Variants in PTPRQ observed in about 807,000 individuals in gnomAD.
The protein encoded by PTPRQ is phosphatidylinositol phosphatase PTPRQ.
Under a neutral mutation model 246.0 loss-of-function variants are expected in PTPRQ, and 199 were observed. The ratio of observed to expected loss-of-function variants is 0.81; its 90% CI spans 0.72 to 0.91. The LOEUF is 0.91. PTPRQ is among the 40% of genes least tolerant of loss of function. The pLI, the probability that PTPRQ is intolerant of heterozygous loss-of-function variation, is 0.00. For synonymous variants in PTPRQ, 869 were observed against 853.2 expected (o/e 1.02, Z -0.32); for missense variants, 2,624 against 2,528.4 (o/e 1.04, Z -0.81).
At chr12:80,663,495 T>C (rs1900694658) in intron 39 of PTPRQ, among the ~76,000 whole-genome samples, 1 of 151,868 alleles carries the variant, frequency 6.6e-6, no homozygotes. Context: ...TGCCCTAAAA[T>C]TGCCAGCTTG....
At chr12:80,618,403 C>G (rs943221679) in intron 30 of PTPRQ, among the ~76,000 whole-genome samples, 10 of 146,584 alleles carry the variant, frequency 6.8e-5, no homozygotes, top group Admixed American at 1.4e-4. Flanking sequence ...CACACACACA[C>G]AGTGAGCTAT....
intron 8 of PTPRQ, among the ~76,000 whole-genome samples, chr12:80,481,143 G>A (rs1043104592): frequency 3.9e-5 from 6 of 152,114 alleles, no homozygotes; most frequent in African/African-American, 1.4e-4. Context: ...CTGGCAAAAC[G>A]AATCCAGCAG....
chr12:80,539,892 T>A lies in PTPRQ; in HGVS notation c.3102T>A (p.Val1034=). The A allele has an allele frequency of 1.9e-6, 3 of 1,549,142 alleles. 1 individual carries two copies. In the South Asian group the frequency reaches 3.6e-5, roughly 18 times the overall value. The change falls in exon 20 of 45, where the codon GTT becomes GTA. Residue 1034 remains valine (V), a synonymous_variant. Transcript: ENST00000644991. ...TTTGGTTAACAGCAAGTACTTCAGT[T>A]GGAAATGGGAATAAAAGCAGTGACA... ...YTFWLTASTS[V]GNGNKSSDII... is the part of the protein sequence containing the mutation.
chr12:80,575,751 A>G (rs1897262376), intron 25 of PTPRQ, among the ~76,000 whole-genome samples: 7 of 149,414 alleles, frequency 4.7e-5, no homozygotes, highest in Admixed American at 4.0e-4. Flanking sequence ...AGGTGGGACA[A>G]TTGGTTGAAA....
At chr12:80,445,350 G>T in intron 2 of PTPRQ, 141 bp from the exon 3 acceptor site, 2 of 537,524 alleles carry the variant, frequency 3.7e-6, no homozygotes, top group Non-Finnish European at 6.4e-6. Flanking sequence ...TTTTTTAATA[G>T]TAACAGAGCT....
At chr12:80,549,380 A>T (rs1896400776) in intron 24 of PTPRQ, 85 bp from the exon 25 acceptor site, 1 of 1,394,794 alleles carries the variant, frequency 7.2e-7, no homozygotes, top group East Asian at 2.5e-5. Context: ...CTAAACACAG[A>T]TGTATCTAGT....
intron 25 of PTPRQ, among the ~76,000 whole-genome samples, chr12:80,555,607 G>A (rs1488604777): frequency 6.7e-6 from 1 of 148,586 alleles, no homozygotes; most frequent in Non-Finnish European, 1.5e-5. Flanking sequence ...TCAAGCAAGT[G>A]AATAAAAACA....
At chr12:80,461,971 A>C (rs1222939255) in intron 6 of PTPRQ, 1 of 672,148 alleles carries the variant, frequency 1.5e-6, no homozygotes, top group East Asian at 2.8e-5. Context: ...TTTTCATCTA[A>C]GGTACCCGTT....
intron 27 of PTPRQ, 63 bp downstream of exon 27, chr12:80,605,243 A>C (rs2121080518): frequency 6.6e-7 from 1 of 1,506,370 alleles, no homozygotes; most frequent in South Asian, 1.3e-5. Flanking sequence ...AAGATTTGGA[A>C]CCAGACTATT....
intron 25 of PTPRQ, among the ~76,000 whole-genome samples, chr12:80,564,816 CATT>C (rs1896930926): frequency 6.6e-6 from 1 of 152,096 alleles, no homozygotes; most frequent in Non-Finnish European, 1.5e-5. Context: ...TTCAATACAT[CATT>C]GTGTTCATTG....
intron 39 of PTPRQ, 131 bp downstream of exon 39, chr12:80,658,192 C>A (rs1900507095): frequency 5.9e-6 from 3 of 504,876 alleles, no homozygotes; most frequent in South Asian, 1.3e-4. Context: ...TTATTTACAG[C>A]CACATTGTGT....
intron 25 of PTPRQ, among the ~76,000 whole-genome samples, chr12:80,569,502 C>T (rs1231110004): frequency 6.6e-6 from 1 of 151,232 alleles, no homozygotes; most frequent in East Asian, 1.9e-4. Context: ...AACTAACCTG[C>T]ACATTGTGCA....
chr12:80,506,255 T>G (rs191578673), intron 15 of PTPRQ, 49 bp downstream of exon 15: 1 of 1,397,348 alleles, frequency 7.2e-7, no homozygotes, highest in Admixed American at 3.1e-5. Context: ...AATGACAGAG[T>G]AGCCACAAAT....
chr12:80,609,165 C>CT (rs1196739068), intron 27 of PTPRQ, among the ~76,000 whole-genome samples: 59 of 149,736 alleles, frequency 3.9e-4, no homozygotes, highest in Non-Finnish European at 5.4e-4. Flanking sequence ...ATAGCAACAT[C>CT]TTTTTTTTAA....
chr12:80,570,109 T>G lies in PTPRQ; in HGVS notation c.4286-18020T>G, dbSNP rs370039222. 2.4e-4 allele frequency among the ~76,000 whole-genome samples: 37 copies of G among 152,036 alleles called. 1 individual carries two copies. The East Asian group carries it at 6.2e-3, about 26-fold the overall frequency. ...TTGGGTATATACCCAGTAATGGGAT[T>G]GCTGGGTCAAATGGTATTTCTAGTT... On this transcript the variant is annotated intron_variant, in intron 25 of 44. Transcript: ENST00000644991.
At chr12:80,531,234 CA>C (rs1295013235) in intron 17 of PTPRQ, among the ~76,000 whole-genome samples, 2 of 151,554 alleles carry the variant, frequency 1.3e-5, no homozygotes, top group Non-Finnish European at 2.9e-5. Context: ...TATGCAACTA[CA>C]AAAACATTAT....
At chr12:80,462,015 G>T in intron 6 of PTPRQ, 2 of 700,114 alleles carry the variant, frequency 2.9e-6, no homozygotes, top group Non-Finnish European at 5.2e-6. Flanking sequence ...AGTGGATGCA[G>T]GTCAGTGCGT....
At chr12:80,626,216 G>C (rs1045283152) in intron 33 of PTPRQ, among the ~76,000 whole-genome samples, 54 of 152,132 alleles carry the variant, frequency 3.5e-4, no homozygotes, top group African/African-American at 1.3e-3. Flanking sequence ...TTTTGTTAAC[G>C]AGACAGTGGT....
intron 25 of PTPRQ, among the ~76,000 whole-genome samples, chr12:80,583,225 GA>G (rs1397919670): frequency 6.6e-6 from 1 of 152,122 alleles, no homozygotes. Context: ...AACATTTATT[GA>G]ATCACCATTT....
Sources: allele counts gnomAD v4.1 joint callset (sites outside exome capture counted in the v4.1 genomes callset), GRCh38; gene constraint gnomAD v4.1.1; transcripts MANE v1.5; gene names NCBI Gene and HGNC (gene_info 2026-07-23, HGNC 2026-07-21).